The following CEPT1 variants were observed in gnomAD, a reference collection of about 807,000 sequenced individuals.
The protein encoded by CEPT1 is choline/ethanolaminephosphotransferase 1.
A neutral mutation model predicts 42.6 loss-of-function variants in CEPT1; 7 were observed. That is an observed-to-expected ratio of 0.16 (90% CI 0.09 to 0.31). The LOEUF is 0.31. Ranked by LOEUF, CEPT1 falls within the 10% of genes least tolerant of loss-of-function variation. The probability of loss-of-function intolerance (pLI) is 1.00; values close to 1 mark genes in which losing one functional copy is unlikely to be tolerated. For synonymous variants in CEPT1, 171 were observed against 171.9 expected (o/e 0.99, Z 0.04); for missense variants, 306 against 502.1 (o/e 0.61, Z 3.73).
chr1:111,177,874 G>A (rs1656765579), intron 5 of CEPT1, among the ~76,000 whole-genome samples: 1 of 152,148 alleles, frequency 6.6e-6, no homozygotes, highest in African/African-American at 2.4e-5. Context: ...CCTATTGTTA[G>A]CACTTTGGTC....
intron 2 of CEPT1, among the ~76,000 whole-genome samples, chr1:111,158,945 G>A (rs1450372973): frequency 1.4e-4 from 15 of 108,076 alleles, no homozygotes; most frequent in South Asian, 5.9e-4. Flanking sequence ...ACGGAGTCTC[G>A]CTCTGTCGCC....
At chr1:111,161,054 A>T (rs548232900) in intron 3 of CEPT1, 101 bp from the exon 4 acceptor site, 1 of 1,154,064 alleles carries the variant, frequency 8.7e-7, no homozygotes, top group African/African-American at 1.5e-5. Flanking sequence ...AGAGAAGATT[A>T]TGCATTTACA....
At chr1:111,156,904 A>C (rs528979313) in intron 2 of CEPT1, among the ~76,000 whole-genome samples, 1 of 152,334 alleles carries the variant, frequency 6.6e-6, no homozygotes, top group South Asian at 2.1e-4. Context: ...GCAAGATTTT[A>C]CAAGTTGGTT....
chr1:111,160,886 A>C, intron 3 of CEPT1: 1 of 458,530 alleles, frequency 2.2e-6, no homozygotes, highest in Non-Finnish European at 3.9e-6. Context: ...AAGTCAGGAA[A>C]ATACTCGAAG....
At chr1:111,170,194 T>C (rs1046662018) in intron 4 of CEPT1, among the ~76,000 whole-genome samples, 1 of 152,190 alleles carries the variant, frequency 6.6e-6, no homozygotes, top group African/African-American at 2.4e-5. Context: ...TCTTATTGTT[T>C]TCAAAGGTGA....
intron 7 of CEPT1, among the ~76,000 whole-genome samples, chr1:111,183,158 A>G (rs1436465250): frequency 6.6e-6 from 1 of 152,194 alleles, no homozygotes; most frequent in Admixed American, 6.5e-5. Flanking sequence ...CTTGGAAAAC[A>G]TACAACTTTT....
At chr1:111,158,608 G>C (rs1011040178) in intron 2 of CEPT1, among the ~76,000 whole-genome samples, 34 of 152,242 alleles carry the variant, frequency 2.2e-4, no homozygotes, top group African/African-American at 8.2e-4. Flanking sequence ...GGATGTATTA[G>C]CAATATTAAG....
At chr1:111,178,587 A>T (rs1252641677) in intron 5 of CEPT1, 1 of 152,102 alleles carries the variant, frequency 6.6e-6, no homozygotes, top group Non-Finnish European at 1.5e-5. Flanking sequence ...TTCCTTTTAG[A>T]ATGCCTTGGA....
intron 2 of CEPT1, among the ~76,000 whole-genome samples, chr1:111,154,189 ATTTT>A (rs1655435155): frequency 2.0e-3 from 14 of 7,030 alleles, no homozygotes; most frequent in African/African-American, 3.9e-3. Context: ...ATTCCCAAGT[ATTTT>A]ATTTTATTTT....
chr1:111,153,486 C>T (rs1388233610), intron 2 of CEPT1, among the ~76,000 whole-genome samples: 1 of 152,132 alleles, frequency 6.6e-6, no homozygotes, highest in African/African-American at 2.4e-5. Context: ...GCCCTGCTGT[C>T]TCTACTTTAG....
At chr1:111,150,709 TA>T in intron 2 of CEPT1, among the ~76,000 whole-genome samples, 1 of 152,326 alleles carries the variant, frequency 6.6e-6, no homozygotes, top group Middle Eastern at 3.4e-3. Context: ...GTCATTATTA[TA>T]ATAGTTTAAG....
chr1:111,148,523 C>T (rs1433553729), intron 2 of CEPT1, among the ~76,000 whole-genome samples: 2 of 152,052 alleles, frequency 1.3e-5, no homozygotes, highest in Admixed American at 6.6e-5. Context: ...CTGAAGACTT[C>T]GGGTATATGG....
intron 4 of CEPT1, among the ~76,000 whole-genome samples, chr1:111,171,912 T>C (rs556785457): frequency 6.6e-6 from 1 of 152,268 alleles, no homozygotes; most frequent in East Asian, 1.9e-4. Context: ...TAATTTTGTA[T>C]TGTTAGTAGA....
intron 1 of CEPT1, among the ~76,000 whole-genome samples, chr1:111,141,194 AT>A (rs888413957): frequency 6.6e-6 from 1 of 152,240 alleles, no homozygotes; most frequent in African/African-American, 2.4e-5. Context: ...TATTAGGAAT[AT>A]GTCCAGTCCG....
chr1:111,148,110 G>T (rs1247793918), intron 2 of CEPT1, 57 bp downstream of exon 2: 1 of 1,292,886 alleles, frequency 7.7e-7, no homozygotes, highest in Non-Finnish European at 1.1e-6. Flanking sequence ...GTTGTAATTG[G>T]GATCGTGGGG....
chr1:111,159,567 G>T, intron 3 of CEPT1, 40 bp downstream of exon 3: 1 of 1,521,280 alleles, frequency 6.6e-7, no homozygotes, highest in South Asian at 1.2e-5. Flanking sequence ...TATTAACAAT[G>T]GTTAAACCAG....
chr1:111,176,903 A>G (rs2101386279), intron 5 of CEPT1, among the ~76,000 whole-genome samples: 1 of 152,346 alleles, frequency 6.6e-6, no homozygotes, highest in Non-Finnish European at 1.5e-5. Context: ...CTGTTAAGCA[A>G]TCATTTTCTA....
In CEPT1 at chr1:111,182,849, A is replaced by G; in HGVS notation, c.897A>G (p.Leu299=). Reference sequence around the variant, plus strand: ...TCCATATTGGATCAGTGATTACATTAGCTGCAATGATCTACAAGAAATCTG... The same window carrying G: ...TCCATATTGGATCAGTGATTACATTGGCTGCAATGATCTACAAGAAATCTG... ...PFLHIGSVIT[L]AAMIYKKSAV... The change falls in exon 7 of 9, where the codon TTA becomes TTG. Residue 299 remains leucine (L), a synonymous_variant. Transcript: ENST00000357172. 1 of 1,613,538 alleles carries G rather than the reference A, an allele frequency of 6.2e-7. No individual in the cohort carries two copies. Among genetic ancestry groups the G allele is most frequent in the Non-Finnish European group, 8.5e-7 (1 of 1,179,496 alleles).
At chr1:111,159,272 C>T in intron 2 of CEPT1, 108 bp from the exon 3 acceptor site, 1 of 1,006,654 alleles carries the variant, frequency 9.9e-7, no homozygotes, top group Admixed American at 2.5e-5. Flanking sequence ...CTTGGATCTT[C>T]TCTCCCATAG....
Sources: gnomAD v4.1 joint callset for allele counts (sites outside exome capture counted in the v4.1 genomes callset) on GRCh38, gnomAD v4.1.1 for gene constraint, MANE v1.5 for transcripts, NCBI Gene and HGNC (gene_info 2026-07-23, HGNC 2026-07-21) for gene names.